Variants in NPAS3 observed in about 807,000 individuals in gnomAD.
NPAS3 encodes the protein neuronal PAS domain-containing protein 3.
A neutral mutation model predicts 73.1 loss-of-function variants in NPAS3; 14 were observed. The ratio of observed to expected loss-of-function variants is 0.19; its 90% confidence interval spans 0.13 to 0.30. The LOEUF is 0.30. Among genes scored for constraint, NPAS3 ranks in the 10% least tolerant of loss-of-function variants. NPAS3 has a pLI of 1.00. For synonymous variants in NPAS3, 620 were observed against 541.5 expected (o/e 1.14, Z -2.01); for missense variants, 1,096 against 1,250.0 (o/e 0.88, Z 1.86).
At chr14:33,453,438 T>C (rs1296882999) in intron 4 of NPAS3, among the ~76,000 whole-genome samples, 2 of 152,220 alleles carry the variant, frequency 1.3e-5, no homozygotes, top group Admixed American at 6.5e-5. Context: ...TAAAGGGCTT[T>C]GTGGGTTTTT....
intron 4 of NPAS3, among the ~76,000 whole-genome samples, chr14:33,485,772 A>T (rs180945863): frequency 5.3e-4 from 81 of 152,168 alleles, no homozygotes; most frequent in Non-Finnish European, 9.3e-4. Flanking sequence ...TTTTCACAAG[A>T]TCTCCTTGGT....
intron 5 of NPAS3, among the ~76,000 whole-genome samples, chr14:33,648,369 AATT>A: frequency 6.6e-6 from 1 of 152,210 alleles, no homozygotes; most frequent in African/African-American, 2.4e-5. Flanking sequence ...ATAGTCTTCC[AATT>A]GTGTCACTTT....
intron 1 of NPAS3, among the ~76,000 whole-genome samples, chr14:33,020,739 A>G (rs1333223118): frequency 6.7e-6 from 1 of 149,524 alleles, no homozygotes; most frequent in Non-Finnish European, 1.5e-5. Context: ...GATTCCTTTC[A>G]CCACATCAAG....
chr14:33,180,977 T>G (rs192271386), intron 2 of NPAS3, among the ~76,000 whole-genome samples: 1 of 152,088 alleles, frequency 6.6e-6, no homozygotes, highest in African/African-American at 2.4e-5. Flanking sequence ...ATGTACCTCA[T>G]GTTTTCCCAC....
chr14:33,515,032 A>G (rs999237743), intron 4 of NPAS3, among the ~76,000 whole-genome samples: 6 of 152,110 alleles, frequency 3.9e-5, no homozygotes, highest in African/African-American at 1.4e-4. Context: ...GACTTGCCCA[A>G]TGTTACACAG....
At chr14:33,372,522 A>G (rs2140441033) in intron 4 of NPAS3, among the ~76,000 whole-genome samples, 1 of 152,322 alleles carries the variant, frequency 6.6e-6, no homozygotes, top group South Asian at 2.1e-4. Flanking sequence ...GGCAGGGCCA[A>G]GGCCCAGGCT....
intron 7 of NPAS3, among the ~76,000 whole-genome samples, chr14:33,754,961 C>T (rs2062070895): frequency 6.6e-6 from 1 of 152,168 alleles, no homozygotes; most frequent in Admixed American, 6.5e-5. Flanking sequence ...TAGATAGGGA[C>T]AGTGAGAGTT....
chr14:33,658,238 A>C (rs1186489210), intron 5 of NPAS3, among the ~76,000 whole-genome samples: 1 of 152,258 alleles, frequency 6.6e-6, no homozygotes, highest in Non-Finnish European at 1.5e-5. Flanking sequence ...GGAGAGACAG[A>C]AAAGGTACAG....
chr14:33,790,518 G>GC, intron 9 of NPAS3, among the ~76,000 whole-genome samples: 2 of 151,446 alleles, frequency 1.3e-5, no homozygotes, highest in East Asian at 3.9e-4. Context: ...CTCTGGCGCA[G>GC]CTGGAATGAT....
Position 33,294,993 on chromosome 14 carries a change from G to A in NPAS3, c.386-72193G>A, listed in dbSNP as rs243282. Among the ~76,000 whole-genome samples the A allele has an allele frequency of 8.6e-3, 1,317 of 152,262 alleles. 6 individuals are homozygous for A. The highest frequency in any genetic ancestry group is 0.014 in the Non-Finnish European group (953 of 68,008). ...TCTTGCAGTGAAATTTGAACTCTTG[G>A]AGAGTGACTTTTTAGGACCCTAGGA... On this transcript the variant is annotated intron_variant, in intron 3 of 11. Transcript: ENST00000356141.
chr14:32,965,051 G>A (rs2037094903), intron 1 of NPAS3, among the ~76,000 whole-genome samples: 1 of 152,092 alleles, frequency 6.6e-6, no homozygotes. Context: ...CCAATAACAA[G>A]TAACAAGATT....
At chr14:33,764,657 C>A (rs2140847567) in intron 7 of NPAS3, among the ~76,000 whole-genome samples, 1 of 152,288 alleles carries the variant, frequency 6.6e-6, no homozygotes, top group African/African-American at 2.4e-5. Context: ...AACTGCCTCT[C>A]TACCCTCAAG....
chr14:33,561,486 A>G (rs758475310), intron 5 of NPAS3, among the ~76,000 whole-genome samples: 83 of 152,320 alleles, frequency 5.4e-4, no homozygotes, highest in Admixed American at 2.0e-3. Flanking sequence ...TTTTATGTGG[A>G]CTTTAGCAAA....
Position 33,308,553 on chromosome 14 carries a change from C to CACACACACATACAT in NPAS3, c.386-58630_386-58629insCACACATACATACA, listed in dbSNP as rs1195213186. Among the ~76,000 whole-genome samples, 513 of 113,858 alleles carry CACACACACATACAT rather than the reference C, an allele frequency of 4.5e-3. 10 individuals are homozygous for CACACACACATACAT. The highest frequency in any genetic ancestry group is 0.019 in the African/African-American group (483 of 25,298). 74.7% of individuals were successfully genotyped at this position (113,858 alleles called of 152,430 possible). On this transcript the variant is annotated intron_variant, in intron 3 of 11. Coordinates refer to ENST00000356141, the Ensembl canonical transcript of NPAS3. ...ACATACACACACACACACACACACA[C>CACACACACATACAT]ACATACATACATTATATATATGTAT...
At chr14:33,170,792 G>A (rs927742787) in intron 2 of NPAS3, among the ~76,000 whole-genome samples, 1 of 152,132 alleles carries the variant, frequency 6.6e-6, no homozygotes, top group Admixed American at 6.6e-5. Flanking sequence ...TCTAACTTGA[G>A]TTCATTTCCA....
chr14:33,296,107 G>T (rs35305194), intron 3 of NPAS3, among the ~76,000 whole-genome samples: 56,859 of 151,936 alleles, frequency 0.37, 10,902 homozygotes, highest in African/African-American at 0.43. Flanking sequence ...AAATGCAAGC[G>T]GTGACTTAGA....
At chr14:33,144,030 T>A (rs1174017283) in intron 2 of NPAS3, among the ~76,000 whole-genome samples, 1 of 152,216 alleles carries the variant, frequency 6.6e-6, no homozygotes, top group Non-Finnish European at 1.5e-5. Flanking sequence ...TTTGGGCACA[T>A]GTATTTGTTT....
At chr14:33,317,154 C>T (rs1426956542) in intron 3 of NPAS3, among the ~76,000 whole-genome samples, 1 of 152,020 alleles carries the variant, frequency 6.6e-6, no homozygotes, top group African/African-American at 2.4e-5. Flanking sequence ...CTTTTAAGAA[C>T]AGCTGAAATG....
intron 4 of NPAS3, among the ~76,000 whole-genome samples, chr14:33,536,883 T>A (rs767727296): frequency 6.6e-6 from 1 of 152,170 alleles, no homozygotes; most frequent in African/African-American, 2.4e-5. Context: ...TTAGTCAAAT[T>A]TTCTAGACAT....
Sources: gnomAD v4.1 joint callset for allele counts (sites outside exome capture counted in the v4.1 genomes callset) on GRCh38, gnomAD v4.1.1 for gene constraint, MANE v1.5 for transcripts, NCBI Gene and HGNC (gene_info 2026-07-23, HGNC 2026-07-21) for gene names.